EPC2: variants seen among roughly 807,000 people sequenced by gnomAD.
EPC2 encodes enhancer of polycomb homolog 2.
EPC2 carries 14 observed loss-of-function variants against 92.1 expected under a neutral mutation model. That is an observed-to-expected ratio of 0.15 (90% CI 0.10 to 0.24). The LOEUF (loss-of-function observed/expected upper bound fraction) is 0.24. Among genes scored for constraint, EPC2 ranks in the 10% least tolerant of loss-of-function variants. The probability of loss-of-function intolerance (pLI) is 1.00; values close to 1 mark genes in which losing one functional copy is unlikely to be tolerated. For missense variants in EPC2, 755 were observed against 971.5 expected (o/e 0.78, Z 2.96); for synonymous variants, 340 against 334.7 (o/e 1.02, Z -0.17).
intron 2 of EPC2, among the ~76,000 whole-genome samples, chr2:148,716,872 G>C (rs572976329): frequency 6.6e-5 from 10 of 152,096 alleles, no homozygotes; most frequent in African/African-American, 2.4e-4. Flanking sequence ...CTGGTCCTGG[G>C]CTTTTTTTGG....
chr2:148,772,449 C>T (rs1356340465), intron 10 of EPC2, among the ~76,000 whole-genome samples: 1 of 152,086 alleles, frequency 6.6e-6, no homozygotes. Context: ...GTGAAATTAT[C>T]ATCTTAAACT....
intron 2 of EPC2, chr2:148,691,822 T>C: frequency 1.5e-6 from 1 of 674,030 alleles, no homozygotes; most frequent in Non-Finnish European, 2.8e-6. Context: ...CCTTTCTGCA[T>C]GGCTAATTTA....
chr2:148,717,659 C>T (rs187788916), intron 2 of EPC2, among the ~76,000 whole-genome samples: 2 of 152,196 alleles, frequency 1.3e-5, no homozygotes, highest in Admixed American at 1.3e-4. Context: ...TGTTTTACTT[C>T]CAATTATGTG....
Position 148,783,765 on chromosome 2 carries a change from G to C in EPC2, c.2017+9G>C. ...TGTTGTCCAGCCTTCAGGTACAGCT[G>C]GGGTTTCACATGGTACCTACTTTCT... On this transcript the variant is annotated intron_variant, in intron 12 of 13. Coordinates refer to ENST00000258484, the MANE Select transcript of EPC2 (RefSeq NM_015630.4). 2 of 1,582,900 alleles carry C rather than the reference G, an allele frequency of 1.3e-6. No individual in the cohort carries two copies. The highest frequency in any genetic ancestry group is 1.7e-6 in the Non-Finnish European group (2 of 1,163,078).
In EPC2 at chr2:148,786,617, A is replaced by C; in HGVS notation, c.*240A>C. 1 of 342,104 alleles carries C rather than the reference A, an allele frequency of 2.9e-6. No homozygotes were observed. Among genetic ancestry groups the C allele is most frequent in the Non-Finnish European group, 5.3e-6 (1 of 187,760 alleles). 21.2% of individuals were successfully genotyped at this position (342,104 alleles called of 1,614,324 possible). Reference sequence around the variant, plus strand: ...TCTGTTACTTGAATAGTAGATATTCATCATCATGCTTTTGCACTTGAATTT... The same window carrying C: ...TCTGTTACTTGAATAGTAGATATTCCTCATCATGCTTTTGCACTTGAATTT... On this transcript the variant is annotated 3_prime_UTR_variant, in exon 14 of 14. Coordinates refer to ENST00000258484, the MANE Select transcript of EPC2 (RefSeq NM_015630.4).
intron 2 of EPC2, among the ~76,000 whole-genome samples, chr2:148,696,303 A>G (rs990376124): frequency 6.6e-6 from 1 of 152,202 alleles, no homozygotes; most frequent in Non-Finnish European, 1.5e-5. Flanking sequence ...AAAAAAGGTA[A>G]TGCCAGACAT....
At chr2:148,774,624 T>TATATTATATATATATATATATA (rs935978031) in intron 10 of EPC2, among the ~76,000 whole-genome samples, 1 of 132,608 alleles carries the variant, frequency 7.5e-6, no homozygotes, top group Non-Finnish European at 1.6e-5. Context: ...AAAATATATT[T>TATATTATATATATATATATATA]TATATATATA....
At chr2:148,675,131 G>A (rs1231773904) in intron 1 of EPC2, among the ~76,000 whole-genome samples, 1 of 152,054 alleles carries the variant, frequency 6.6e-6, no homozygotes, top group East Asian at 1.9e-4. Flanking sequence ...CCAGCTTTAT[G>A]CAGCACACTT....
At chr2:148,730,089 T>C (rs1449575300) in intron 2 of EPC2, among the ~76,000 whole-genome samples, 11 of 152,226 alleles carry the variant, frequency 7.2e-5, no homozygotes, top group Admixed American at 6.5e-4. Context: ...CTTTGAACTT[T>C]TCTGCACTTC....
chr2:148,757,244 C>A (rs1384599047), intron 4 of EPC2, among the ~76,000 whole-genome samples: 1 of 152,008 alleles, frequency 6.6e-6, no homozygotes, highest in Non-Finnish European at 1.5e-5. Flanking sequence ...GGCGTGGTGG[C>A]AGGTGCCTGT....
intron 2 of EPC2, among the ~76,000 whole-genome samples, chr2:148,733,478 GATTTTTTTTTTTT>G (rs1682686967): frequency 1.5e-5 from 1 of 65,378 alleles, no homozygotes; most frequent in East Asian, 4.6e-4. Context: ...TCTCTCTCTG[GATTTTTTTTTTTT>G]TTTTTTTTTT....
At chr2:148,683,075 T>G (rs1160564814) in intron 1 of EPC2, among the ~76,000 whole-genome samples, 1 of 151,956 alleles carries the variant, frequency 6.6e-6, no homozygotes, top group Non-Finnish European at 1.5e-5. Context: ...ACAAGGATCT[T>G]AAATTTTTTT....
intron 1 of EPC2, among the ~76,000 whole-genome samples, chr2:148,657,042 A>C (rs1441332316): frequency 6.6e-6 from 1 of 152,116 alleles, no homozygotes; most frequent in Middle Eastern, 3.4e-3. Flanking sequence ...AGGGAAGTGT[A>C]TGACACCCAG....
In EPC2 at chr2:148,783,638, A is replaced by G; in HGVS notation, c.1899A>G (p.Ser633=). 1 of 1,607,888 alleles carries G rather than the reference A, an allele frequency of 6.2e-7. No homozygotes were observed. Among genetic ancestry groups the G allele is most frequent in the Non-Finnish European group, 8.5e-7 (1 of 1,176,912 alleles). ...ACTGTATGTCTAAAACACTTGACTC[A>G]GCCAGCGCCCACTTTGCTGCATCTG... The part of the protein sequence containing the change: ...TSDCMSKTLD[S]ASAHFAASAV... The change falls in exon 12 of 14, where the codon TCA becomes TCG. Residue 633 remains serine, a synonymous_variant. Transcript: ENST00000258484.
chr2:148,719,885 C>T (rs1682333807), intron 2 of EPC2, among the ~76,000 whole-genome samples: 1 of 152,254 alleles, frequency 6.6e-6, no homozygotes. Context: ...TCAGGCACTC[C>T]ATCCCAGGGA....
At chr2:148,754,231 C>CT in intron 4 of EPC2, 98 bp downstream of exon 4, 1 of 931,500 alleles carries the variant, frequency 1.1e-6, no homozygotes, top group South Asian at 1.9e-5. Context: ...ATAATGGTAG[C>CT]TAATGGCATT....
chr2:148,698,808 A>G (rs1418247214), intron 2 of EPC2, among the ~76,000 whole-genome samples: 1 of 137,366 alleles, frequency 7.3e-6, no homozygotes, highest in Non-Finnish European at 1.5e-5. Flanking sequence ...ATTAACCCAG[A>G]TAAAAGTTGT....
At chr2:148,720,552 T>C (rs952118252) in intron 2 of EPC2, among the ~76,000 whole-genome samples, 7 of 152,220 alleles carry the variant, frequency 4.6e-5, no homozygotes, top group Non-Finnish European at 1.5e-5. Context: ...CTCTTGGGTC[T>C]CTGTGCATGC....
intron 2 of EPC2, among the ~76,000 whole-genome samples, chr2:148,730,583 T>C (rs1406335005): frequency 1.3e-5 from 2 of 152,188 alleles, no homozygotes; most frequent in African/African-American, 4.8e-5. Context: ...AGTAACCTGT[T>C]TTAACAAACC....
Sources: gnomAD v4.1 joint callset for allele counts (sites outside exome capture counted in the v4.1 genomes callset) on GRCh38, gnomAD v4.1.1 for gene constraint, MANE v1.5 for transcripts, NCBI Gene and HGNC (gene_info 2026-07-23, HGNC 2026-07-21) for gene names.